ZDHHC15: variants seen among roughly 807,000 people sequenced by gnomAD.
The protein encoded by ZDHHC15 is zDHHC palmitoyltransferase 15, also known as palmitoyltransferase ZDHHC15.
In ZDHHC15, 19 loss-of-function variants were observed where a neutral mutation model predicts 31.7. The observed-to-expected ratio is 0.60, with a 90% CI of 0.42 to 0.88. ZDHHC15 has a LOEUF of 0.88. Among genes scored for constraint, ZDHHC15 ranks in the 40% least tolerant of loss-of-function variants. The pLI is 0.00. For synonymous variants in ZDHHC15, 103 were observed against 90.0 expected (o/e 1.14, Z -0.82); for missense variants, 209 against 251.2 (o/e 0.83, Z 1.14).
At chrX:75,473,719 C>T (rs896713643) in intron 3 of ZDHHC15, among the ~76,000 whole-genome samples, 2 of 111,530 alleles carry the variant, frequency 1.8e-5, no homozygotes, top group African/African-American at 6.5e-5. Context: ...AACCATGTGA[C>T]CAGTTGCAGA....
intron 9 of ZDHHC15, among the ~76,000 whole-genome samples, chrX:75,418,325 C>T (rs2083573308): frequency 9.0e-6 from 1 of 111,536 alleles, no homozygotes; most frequent in South Asian, 3.7e-4. Flanking sequence ...CACCCTACCC[C>T]CAACAAAGTT....
intron 4 of ZDHHC15, among the ~76,000 whole-genome samples, chrX:75,433,926 C>A (rs2083817109): frequency 9.0e-6 from 1 of 110,921 alleles, no homozygotes; most frequent in African/African-American, 3.3e-5. Flanking sequence ...ATACTGTTTT[C>A]CATAGTGGTT....
At chrX:75,453,534 T>A (rs1394303471) in intron 3 of ZDHHC15, among the ~76,000 whole-genome samples, 2 of 111,627 alleles carry the variant, frequency 1.8e-5, no homozygotes, top group Non-Finnish European at 3.8e-5. Flanking sequence ...CTAACTCATT[T>A]TATGAGGCCA....
At chrX:75,504,946 TATC>T (rs1459979701) in intron 2 of ZDHHC15, among the ~76,000 whole-genome samples, 2 of 111,336 alleles carry the variant, frequency 1.8e-5, no homozygotes, top group African/African-American at 6.5e-5. Flanking sequence ...CAGGTAGTAT[TATC>T]ATTTTTATTC....
At chrX:75,510,758 G>C (rs1360145787) in intron 1 of ZDHHC15, among the ~76,000 whole-genome samples, 1 of 73,491 alleles carries the variant, frequency 1.4e-5, no homozygotes, top group Non-Finnish European at 2.5e-5. Flanking sequence ...CCCAGAGTGT[G>C]ATATTCCCCT....
chrX:75,439,385 G>T (rs1257356368), intron 4 of ZDHHC15, among the ~76,000 whole-genome samples: 1 of 111,158 alleles, frequency 9.0e-6, no homozygotes, highest in African/African-American at 3.3e-5. Flanking sequence ...CTTTGTCTTT[G>T]TCAGATTGGG....
chrX:75,474,579 C>T (rs1450572307), intron 3 of ZDHHC15, among the ~76,000 whole-genome samples: 25 of 7,993 alleles, frequency 3.1e-3, no homozygotes, highest in Middle Eastern at 0.12. Context: ...TTTATACACA[C>T]ACACACACAC....
chrX:75,486,236 C>T lies in ZDHHC15; in HGVS notation c.164-7251G>A, dbSNP rs1168144276. ...TAGAGCTGAAATGGATTTAGGGAGC[C>T]AAGCAAAATATAAAAGTCGAAGAAG... On this transcript the variant is annotated intron_variant, in intron 2 of 11. Coordinates refer to ENST00000373367, the MANE Select transcript of ZDHHC15 (RefSeq NM_144969.3). Among the ~76,000 whole-genome samples the T allele has an allele frequency of 8.1e-5, 9 of 111,515 alleles. No homozygotes were observed. The East Asian group carries it at 2.6e-3, about 32-fold the overall frequency.
chrX:75,465,976 G>A (rs1285000622), intron 3 of ZDHHC15, among the ~76,000 whole-genome samples: 1 of 111,603 alleles, frequency 9.0e-6, no homozygotes, highest in Non-Finnish European at 1.9e-5. Flanking sequence ...TTCCTGCACA[G>A]CAAAAGAAAC....
chrX:75,498,084 C>T (rs1184299024), intron 2 of ZDHHC15, among the ~76,000 whole-genome samples: 1 of 110,307 alleles, frequency 9.1e-6, no homozygotes, highest in Non-Finnish European at 1.9e-5. Flanking sequence ...CAGGCATGCA[C>T]CACCACGCCA....
At position 75,422,937 on chromosome X, in the gene ZDHHC15, C is replaced by T. The variant is rs569342295; in HGVS notation, c.737-947G>A. Among the ~76,000 whole-genome samples, 31 of 96,293 alleles carry T rather than the reference C, an allele frequency of 3.2e-4. No homozygotes were observed. The South Asian group carries it at 0.011, about 35-fold the overall frequency. 83.6% of individuals were successfully genotyped at this position (96,293 alleles called of 115,157 possible). The stretch of plus-strand genomic sequence containing the variant: ...GTCATCTAGCATTAGGTATATCTCC[C>T]AATGCTATCCCTCCCCCCTCCCCCC... On this transcript the variant is annotated intron_variant, in intron 8 of 11. Transcript: ENST00000373367.
chrX:75,382,412 A>G (rs2083123439), intron 10 of ZDHHC15, among the ~76,000 whole-genome samples: 1 of 112,104 alleles, frequency 8.9e-6, no homozygotes, highest in South Asian at 3.7e-4. Context: ...ATCTAGAAAC[A>G]TGGGGGAAAA....
chrX:75,412,925 T>A (rs1232321946), intron 10 of ZDHHC15, among the ~76,000 whole-genome samples: 1 of 111,188 alleles, frequency 9.0e-6, no homozygotes, highest in Non-Finnish European at 1.9e-5. Context: ...TTGGGGGAAA[T>A]GTAGGCCAAA....
At chrX:75,488,489 C>G (rs925354078) in intron 2 of ZDHHC15, among the ~76,000 whole-genome samples, 2 of 112,323 alleles carry the variant, frequency 1.8e-5, no homozygotes, top group Admixed American at 9.4e-5. Context: ...TTGCCATTAC[C>G]AAGCCAGCTC....
chrX:75,392,631 C>T (rs538815991), intron 10 of ZDHHC15, among the ~76,000 whole-genome samples: 3 of 111,911 alleles, frequency 2.7e-5, no homozygotes, highest in Admixed American at 9.5e-5. Flanking sequence ...CAACTGCAAC[C>T]GCATCAATCC....
rs757290591 is a variant in ZDHHC15 at position 75,459,747 on chromosome X, G to A, written c.259-8825C>T. 2.1e-3 allele frequency among the ~76,000 whole-genome samples: 240 copies of A among 112,325 alleles called. 1 individual carries two copies. The highest frequency in any genetic ancestry group is 7.4e-3 in the African/African-American group (228 of 30,968). ...TCAGCCATTTCAGCCTCCAGTTTTA[G>A]AGAGTGAAAATTGTCCCGATGAGGA... On this transcript the variant is annotated intron_variant, in intron 3 of 11. Transcript: ENST00000373367.
chrX:75,427,835 C>T (rs1006411968), intron 7 of ZDHHC15, among the ~76,000 whole-genome samples: 1 of 110,855 alleles, frequency 9.0e-6, no homozygotes, highest in Non-Finnish European at 1.9e-5. Flanking sequence ...TATATAATTC[C>T]TTATTCTTAA....
Position 75,446,921 on chromosome X carries a change from A to G in ZDHHC15, c.379+3881T>C, listed in dbSNP as rs1308150451. Among the ~76,000 whole-genome samples, 4 of 111,926 alleles carry G rather than the reference A, an allele frequency of 3.6e-5. No individual in the cohort carries two copies. The East Asian group carries it at 1.1e-3, about 31-fold the overall frequency. The stretch of plus-strand genomic sequence containing the variant: ...ATATAAATTTTAGGGGCACACAAAC[A>G]TTTGAAAAATAGCACTACAGCAGAG... On this transcript the variant is annotated intron_variant, in intron 4 of 11. Transcript: ENST00000373367.
At chrX:75,391,883 C>G (rs371062340) in intron 10 of ZDHHC15, among the ~76,000 whole-genome samples, 15 of 111,423 alleles carry the variant, frequency 1.3e-4, no homozygotes, top group Non-Finnish European at 7.5e-5. Flanking sequence ...ATGAACTGAT[C>G]AAAAATAACT....
Sources: allele counts gnomAD v4.1 joint callset (sites outside exome capture counted in the v4.1 genomes callset), GRCh38; gene constraint gnomAD v4.1.1; transcripts MANE v1.5; gene names NCBI Gene and HGNC (gene_info 2026-07-23, HGNC 2026-07-21).